C1GALT1: variants seen among roughly 807,000 people sequenced by gnomAD.
C1GALT1 encodes core 1 synthase, glycoprotein-N-acetylgalactosamine 3-beta-galactosyltransferase 1.
In C1GALT1, 11 loss-of-function variants were observed where a neutral mutation model predicts 31.0. The observed-to-expected ratio is 0.36, with a 90% confidence interval of 0.22 to 0.59. The LOEUF is 0.59. Ranked by LOEUF, C1GALT1 falls within the 20% of genes least tolerant of loss-of-function variation. C1GALT1 has a pLI of 0.79. For missense variants in C1GALT1, 424 were observed against 425.2 expected, an observed-to-expected ratio of 1.00 and a Z score of 0.03; for synonymous variants, 175 against 143.6, an observed-to-expected ratio of 1.22 and a Z score of -1.56.
chr7:7,171,897 A>T (rs1780457519), intron 2 of C1GALT1, among the ~76,000 whole-genome samples: 1 of 152,084 alleles, frequency 6.6e-6, no homozygotes, highest in Non-Finnish European at 1.5e-5. Flanking sequence ...TTATATTGTT[A>T]ATGTCTTTTT....
chr7:7,217,898 T>C (rs1253402851), intron 1 of C1GALT1, among the ~76,000 whole-genome samples: 1 of 152,136 alleles, frequency 6.6e-6, no homozygotes, highest in African/African-American at 2.4e-5. Flanking sequence ...ATCATTTCAA[T>C]TGTAGCTCTC....
intron 1 of C1GALT1, among the ~76,000 whole-genome samples, chr7:7,205,253 C>G (rs1444370442): frequency 6.6e-6 from 1 of 151,942 alleles, no homozygotes; most frequent in African/African-American, 2.4e-5. Flanking sequence ...GGGATGCTAT[C>G]CCCCCCACGG....
At chr7:7,186,138 C>T (rs1011737440) in intron 1 of C1GALT1, among the ~76,000 whole-genome samples, 2 of 133,370 alleles carry the variant, frequency 1.5e-5, no homozygotes, top group African/African-American at 5.9e-5. Context: ...CATGCTAGCC[C>T]AGAACTCTTT....
At chr7:7,187,420 C>CTT (rs11402803) in intron 1 of C1GALT1, among the ~76,000 whole-genome samples, 51 of 145,706 alleles carry the variant, frequency 3.5e-4, no homozygotes, top group Admixed American at 8.2e-4. Flanking sequence ...CAGCTAATTT[C>CTT]TTTTTTTTTT....
At chr7:7,159,604 A>G (rs1028295826) in intron 2 of C1GALT1, among the ~76,000 whole-genome samples, 3 of 152,136 alleles carry the variant, frequency 2.0e-5, no homozygotes, top group Non-Finnish European at 2.9e-5. Context: ...CAATAGAAAC[A>G]GGACTCTTAC....
chr7:7,227,458 C>T (rs112562013), intron 1 of C1GALT1, among the ~76,000 whole-genome samples: 12 of 152,288 alleles, frequency 7.9e-5, no homozygotes, highest in Admixed American at 2.6e-4. Flanking sequence ...CGGTGGCTCA[C>T]GCCTGTAATC....
At chr7:7,240,309 G>A (rs1417285682) in intron 3 of C1GALT1, among the ~76,000 whole-genome samples, 1 of 152,154 alleles carries the variant, frequency 6.6e-6, no homozygotes, top group Non-Finnish European at 1.5e-5. Context: ...AATTACTCTA[G>A]CCCAAAATGT....
At chr7:7,183,797 C>T (rs561779985) in intron 1 of C1GALT1, among the ~76,000 whole-genome samples, 2 of 152,094 alleles carry the variant, frequency 1.3e-5, no homozygotes, top group South Asian at 4.2e-4. Flanking sequence ...ACTGTATTTC[C>T]TTTTAACGCT....
chr7:7,192,265 C>G (rs1191112995), intron 1 of C1GALT1, among the ~76,000 whole-genome samples: 1 of 151,870 alleles, frequency 6.6e-6, no homozygotes, highest in Non-Finnish European at 1.5e-5. Flanking sequence ...ACACAGTACC[C>G]AATGTGTAGT....
At chr7:7,175,275 C>T (rs979777004) in intron 2 of C1GALT1, among the ~76,000 whole-genome samples, 6 of 152,190 alleles carry the variant, frequency 3.9e-5, no homozygotes, top group African/African-American at 1.2e-4. Context: ...CAGATTTCCT[C>T]GAATGCCAGA....
intron 2 of C1GALT1, among the ~76,000 whole-genome samples, chr7:7,159,569 C>T (rs1428684821): frequency 6.6e-6 from 1 of 152,084 alleles, no homozygotes; most frequent in Non-Finnish European, 1.5e-5. Context: ...ATAATCTCTT[C>T]AAGGCAAAAG....
chr7:7,234,280 C>A, intron 1 of C1GALT1, 23 bp from the exon 2 acceptor site: 1 of 1,550,198 alleles, frequency 6.5e-7, no homozygotes, highest in Middle Eastern at 1.7e-4. Flanking sequence ...TTTATAACAT[C>A]CTGCTAATTT....
intron 1 of C1GALT1, among the ~76,000 whole-genome samples, chr7:7,217,353 C>G (rs1782293321): frequency 6.6e-6 from 1 of 151,468 alleles, no homozygotes; most frequent in South Asian, 2.1e-4. Flanking sequence ...GAGGGAATTC[C>G]CCTACCTGCC....
At chr7:7,180,555 T>C (rs921745846), upstream of C1GALT1, among the ~76,000 whole-genome samples, 7 of 152,220 alleles carry the variant, frequency 4.6e-5, no homozygotes, top group African/African-American at 1.7e-4. Flanking sequence ...TTATGAAATA[T>C]TGTATTTATA....
At chr7:7,216,729 T>C (rs575478405) in intron 1 of C1GALT1, among the ~76,000 whole-genome samples, 9 of 152,328 alleles carry the variant, frequency 5.9e-5, no homozygotes, top group African/African-American at 1.9e-4. Context: ...GAATGGCCGT[T>C]TTCCCACTGA....
intron 1 of C1GALT1, among the ~76,000 whole-genome samples, chr7:7,186,691 A>G (rs1780831214): frequency 6.6e-6 from 1 of 152,228 alleles, no homozygotes; most frequent in African/African-American, 2.4e-5. Context: ...TTGGAGAGTG[A>G]GCCATATGAG....
At chr7:7,165,670 GA>G (rs1164015546) in intron 2 of C1GALT1, among the ~76,000 whole-genome samples, 6 of 150,946 alleles carry the variant, frequency 4.0e-5, no homozygotes, top group South Asian at 2.1e-4. Context: ...CCTTTCAGGA[GA>G]AAAAAAAATG....
At chr7:7,225,361 T>A (rs1278865079) in intron 1 of C1GALT1, among the ~76,000 whole-genome samples, 1 of 152,218 alleles carries the variant, frequency 6.6e-6, no homozygotes, top group Non-Finnish European at 1.5e-5. Flanking sequence ...GGAAAGGTAC[T>A]TGCTTTTTGC....
chr7:7,237,899 G>C (rs1783438790), intron 2 of C1GALT1, among the ~76,000 whole-genome samples: 1 of 152,188 alleles, frequency 6.6e-6, no homozygotes, highest in African/African-American at 2.4e-5. Context: ...GAAGCACCAG[G>C]AGAACTTATT....
Sources: allele counts gnomAD v4.1 joint callset (sites outside exome capture counted in the v4.1 genomes callset), GRCh38; gene constraint gnomAD v4.1.1; transcripts MANE v1.5; gene names NCBI Gene and HGNC (gene_info 2026-07-23, HGNC 2026-07-21).